Variants in RRBP1 observed in about 807,000 individuals in gnomAD.
The protein encoded by RRBP1 is ribosome-binding protein 1.
A neutral mutation model predicts 165.2 loss-of-function variants in RRBP1; 94 were observed. That is an observed-to-expected ratio of 0.57 (90% CI 0.48 to 0.68). The LOEUF (loss-of-function observed/expected upper bound fraction) is 0.68, where lower values mean the gene tolerates loss of function less well. Ranked by LOEUF, RRBP1 falls within the 30% of genes least tolerant of loss-of-function variation. The probability of loss-of-function intolerance (pLI) is 0.00; values close to 1 mark genes in which losing one functional copy is unlikely to be tolerated. For synonymous variants in RRBP1, 680 were observed against 714.5 expected, an observed-to-expected ratio of 0.95 and a Z score of 0.77; for missense variants, 1,676 against 1,763.0, an observed-to-expected ratio of 0.95 and a Z score of 0.88.
intron 20 of RRBP1, among the ~76,000 whole-genome samples, chr20:17,617,424 C>T (rs997544146): frequency 1.3e-5 from 2 of 152,204 alleles, no homozygotes; most frequent in Non-Finnish European, 2.9e-5. Flanking sequence ...GCATAAGCTC[C>T]CCAGGGAACA....
rs532548576 is a variant in RRBP1, at chr20:17,646,943, G to A, written c.1913-3816C>T. Among the ~76,000 whole-genome samples the A allele has an allele frequency of 5.3e-5, 8 of 152,322 alleles. No individual in the cohort carries two copies. In the East Asian group the frequency reaches 1.2e-3, roughly 22 times the overall value. On this transcript the variant is annotated intron_variant, in intron 3 of 24. Coordinates refer to ENST00000377813, the MANE Select transcript of RRBP1 (RefSeq NM_001365613.2). ...TCAGCTGCTGGAGCACCCCTGCACT[G>A]TGCACACCTGGCTCTCTCAGTCCAC...
At chr20:17,647,727 C>T (rs760386228) in intron 3 of RRBP1, among the ~76,000 whole-genome samples, 29 of 152,176 alleles carry the variant, frequency 1.9e-4, no homozygotes, top group Non-Finnish European at 3.2e-4. Context: ...TGGGGAAGAA[C>T]TCCAGTGGCA....
intron 15 of RRBP1, 22 bp from the exon 16 acceptor site, chr20:17,621,569 G>A (rs1160078059): frequency 1.2e-6 from 2 of 1,603,892 alleles, no homozygotes; most frequent in East Asian, 2.2e-5. Context: ...AAGAACAGGT[G>A]TTTAGTTAGC....
intron 2 of RRBP1, among the ~76,000 whole-genome samples, chr20:17,672,203 G>C (rs1422521132): frequency 6.6e-6 from 1 of 152,210 alleles, no homozygotes; most frequent in Non-Finnish European, 1.5e-5. Context: ...CTATTGGTTC[G>C]TTTTTAGGAA....
Position 17,625,447 on chromosome 20 carries a change from A to G in RRBP1, c.3054+65T>C, listed in dbSNP as rs988142064. 32 of 1,442,242 alleles carry G rather than the reference A, an allele frequency of 2.2e-5. No homozygotes were observed. The South Asian group carries it at 3.6e-4, about 16-fold the overall frequency. The allele number at this position is 1,442,242 out of a possible 1,614,324, so 89.3% of individuals were successfully genotyped here. ...TCCAGGGCGGGTGCCACATAGCAGAACCTTTCCCGGCCCCACCTGTGCTTC... is the reference window on the plus strand; with the variant it reads ...TCCAGGGCGGGTGCCACATAGCAGAGCCTTTCCCGGCCCCACCTGTGCTTC... On this transcript the variant is annotated intron_variant, in intron 12 of 24. Transcript: ENST00000377813.
rs774240869 is a variant in RRBP1, at chr20:17,625,455, C to T, written c.3054+57G>A. 2.6e-4 allele frequency: 387 copies of T among 1,500,462 alleles called. 1 individual carries two copies. Among genetic ancestry groups the T allele is most frequent in the Admixed American group, 6.9e-4 (41 of 59,622 alleles). 92.9% of individuals were successfully genotyped at this position (1,500,462 alleles called of 1,614,324 possible). On this transcript the variant is annotated intron_variant, in intron 12 of 24. Transcript: ENST00000377813. ...GGGTGCCACATAGCAGAACCTTTCC[C>T]GGCCCCACCTGTGCTTCCCTGGCCC...
intron 2 of RRBP1, among the ~76,000 whole-genome samples, chr20:17,668,251 A>G (rs1316344277): frequency 6.6e-6 from 1 of 152,176 alleles, no homozygotes; most frequent in East Asian, 1.9e-4. Context: ...TCTTTGTGCT[A>G]CCATTTGGAT....
At chr20:17,681,336 G>T (rs2037181734) in intron 1 of RRBP1, among the ~76,000 whole-genome samples, 1 of 148,194 alleles carries the variant, frequency 6.7e-6, no homozygotes, top group Non-Finnish European at 1.5e-5. Flanking sequence ...CCCGCACTCC[G>T]GGAAGTTGCC....
rs1451083744 is a variant in RRBP1, at chr20:17,643,355, AG to A, written c.1913-229del. 6.6e-6 allele frequency among the ~76,000 whole-genome samples: 1 copy of A among 151,734 alleles called. No homozygotes were observed. Among genetic ancestry groups the A allele is most frequent in the Non-Finnish European group, 1.5e-5 (1 of 67,952 alleles). On this transcript the variant is annotated intron_variant, in intron 3 of 24. Transcript: ENST00000377813. The surrounding 1 kb of genome is among the most constrained non-coding windows in gnomAD (Gnocchi z 4.3). The stretch of plus-strand genomic sequence containing the variant: ...CCCTGCACCGTCCTAACTCGCCCAT[AG>A]GAAGTCCCAGCCTGGGGTGGAAGTA...
At chr20:17,618,895 C>T in intron 19 of RRBP1, 1 of 558,252 alleles carries the variant, frequency 1.8e-6, no homozygotes. Flanking sequence ...CACTGCGTAC[C>T]TCTTTCAGGC....
intron 2 of RRBP1, among the ~76,000 whole-genome samples, chr20:17,661,745 T>C (rs545789118): frequency 6.6e-6 from 1 of 152,210 alleles, no homozygotes; most frequent in South Asian, 2.1e-4. Context: ...CCCCCAGCAT[T>C]GCCCTGCAAA....
chr20:17,643,166 T>A lies in RRBP1; in HGVS notation c.1913-39A>T. The A allele has an allele frequency of 6.2e-7, 1 of 1,604,378 alleles. No individual in the cohort carries two copies. Among genetic ancestry groups the A allele is most frequent in the Non-Finnish European group, 8.5e-7 (1 of 1,176,058 alleles). On this transcript the variant is annotated intron_variant, in intron 3 of 24. Coordinates refer to ENST00000377813, the MANE Select transcript of RRBP1 (RefSeq NM_001365613.2). This position sits in a 1 kb window ranked among gnomAD's most constrained non-coding sequence, Gnocchi z 4.3. ...GGGAAAGAGCTGAGACTTAGGCCCATAAGCCACAACACACGTGGCCACAAT... is the reference window on the plus strand; with the variant it reads ...GGGAAAGAGCTGAGACTTAGGCCCAAAAGCCACAACACACGTGGCCACAAT...
At chr20:17,635,838 G>A (rs1281101979) in intron 6 of RRBP1, among the ~76,000 whole-genome samples, 174 bp from the exon 7 acceptor site, 1 of 152,142 alleles carries the variant, frequency 6.6e-6, no homozygotes, top group South Asian at 2.1e-4. Flanking sequence ...AAATTGCGAA[G>A]CTTAAGCGGC....
At chr20:17,642,279 G>T (rs1218909136) in intron 4 of RRBP1, among the ~76,000 whole-genome samples, 13 of 152,204 alleles carry the variant, frequency 8.5e-5, no homozygotes, top group Non-Finnish European at 8.8e-5. Flanking sequence ...GCAGTATGGG[G>T]GCCGGGTACT....
intron 16 of RRBP1, among the ~76,000 whole-genome samples, chr20:17,621,069 G>A (rs559656129): frequency 1.3e-5 from 2 of 152,258 alleles, no homozygotes; most frequent in African/African-American, 4.8e-5. Flanking sequence ...TGTTACTGCC[G>A]GGGTTTGCCA....
intron 5 of RRBP1, chr20:17,641,359 C>T (rs1442350918): frequency 1.0e-4 from 18 of 178,328 alleles, no homozygotes; most frequent in Non-Finnish European, 1.2e-5. Flanking sequence ...AGCAGCCCCT[C>T]CAGTCCCCTC....
Position 17,636,523 on chromosome 20 carries a change from G to T in RRBP1, c.2337+54C>A. 1.9e-6 allele frequency: 3 copies of T among 1,589,024 alleles called. No homozygotes were observed. The South Asian group carries it at 3.4e-5, about 18-fold the overall frequency. ...GGGCCTCTCTGGCTCCCTCCGTCCT[G>T]GACCTGGACTGGGTCCTGTCCCTTC... On this transcript the variant is annotated intron_variant, in intron 6 of 24. Transcript: ENST00000377813.
In RRBP1 at chr20:17,624,684, G is replaced by A. The variant is rs1400914010; in HGVS notation, c.3055-16C>T. 6.4e-7 allele frequency: 1 copy of A among 1,551,004 alleles called. No individual in the cohort carries two copies. The highest frequency in any genetic ancestry group is 8.7e-7 in the Non-Finnish European group (1 of 1,142,902). Reference sequence around the variant, plus strand: ...CCCGGAGGTCCTGGAGGGGACACAGGTGAAAGGTCAGCAGCCTGCACTGGC... The same window carrying A: ...CCCGGAGGTCCTGGAGGGGACACAGATGAAAGGTCAGCAGCCTGCACTGGC... On this transcript the variant is annotated splice_polypyrimidine_tract_variant and intron_variant, in intron 12 of 24. Transcript: ENST00000377813.
chr20:17,636,055 A>G (rs1421089601), intron 6 of RRBP1, among the ~76,000 whole-genome samples: 4 of 152,348 alleles, frequency 2.6e-5, no homozygotes, highest in Non-Finnish European at 2.9e-5. Context: ...GACCTCCAGC[A>G]CGTCCTGAGA....
Sources: gnomAD v4.1 joint callset for allele counts (sites outside exome capture counted in the v4.1 genomes callset) on GRCh38, gnomAD v4.1.1 for gene constraint, Gnocchi (gnomAD v3.1) non-coding constraint, MANE v1.5 for transcripts, NCBI Gene and HGNC (gene_info 2026-07-23, HGNC 2026-07-21) for gene names.